The following BCAS1 variants were observed in gnomAD, a reference collection of about 807,000 sequenced individuals.
The protein encoded by BCAS1 is brain enriched myelin associated protein 1.
A neutral mutation model predicts 65.4 loss-of-function variants in BCAS1; 46 were observed. That is an observed-to-expected ratio of 0.70 (90% confidence interval 0.55 to 0.90). The LOEUF (loss-of-function observed/expected upper bound fraction) is 0.90. BCAS1 is among the 40% of genes least tolerant of loss of function. The pLI, the probability that BCAS1 is intolerant of heterozygous loss-of-function variation, is 0.00. For synonymous variants in BCAS1, 298 were observed against 293.5 expected, an observed-to-expected ratio of 1.02 and a Z score of -0.16; for missense variants, 793 against 771.2, an observed-to-expected ratio of 1.03 and a Z score of -0.33.
At chr20:54,001,464 T>G (rs972442487) in intron 4 of BCAS1, among the ~76,000 whole-genome samples, 5 of 152,284 alleles carry the variant, frequency 3.3e-5, no homozygotes, top group Middle Eastern at 3.4e-3. Context: ...GGCCACAAGA[T>G]TCTTCACCTC....
At position 53,985,294 on chromosome 20, in the gene BCAS1, C is replaced by CA; in HGVS notation, c.1267dup (p.Trp423LeufsTer6). On this transcript the variant is annotated frameshift_variant, in exon 8 of 13. Coordinates refer to ENST00000688948, the MANE Select transcript of BCAS1 (RefSeq NM_001366298.2). LOFTEE classifies it high-confidence loss of function. ...CTTGAAAATCAGACTTACCTTTTTC[C>CA]AAAACAGTTTGCCCAGAGGCAGAGA... 6.2e-7 allele frequency: 1 copy of CA among 1,613,010 alleles called. No individual in the cohort carries two copies. Among genetic ancestry groups the CA allele is most frequent in the East Asian group, 2.2e-5 (1 of 44,880 alleles).
chr20:53,997,543 A>T (rs2145862124), intron 4 of BCAS1, among the ~76,000 whole-genome samples: 1 of 151,736 alleles, frequency 6.6e-6, no homozygotes, highest in South Asian at 2.1e-4. Flanking sequence ...TAGTAAAGTG[A>T]TCATCTCACA....
chr20:54,017,385 AT>A (rs1337541353), intron 4 of BCAS1, among the ~76,000 whole-genome samples: 5 of 138,798 alleles, frequency 3.6e-5, no homozygotes, highest in South Asian at 4.8e-4. Flanking sequence ...CTTATGTGTG[AT>A]TTTTTTTCTT....
At chr20:54,057,032 T>G (rs1021177497) in intron 3 of BCAS1, among the ~76,000 whole-genome samples, 2 of 152,156 alleles carry the variant, frequency 1.3e-5, no homozygotes, top group East Asian at 3.8e-4. Flanking sequence ...ATTGCAGAAT[T>G]CTTACCCTCA....
At chr20:54,058,810 G>A (rs1229301048) in intron 1 of BCAS1, 87 bp from the exon 2 acceptor site, 10 of 1,447,960 alleles carry the variant, frequency 6.9e-6, no homozygotes, top group Middle Eastern at 1.8e-4. Flanking sequence ...GGCCTGACAA[G>A]CCGCCCATGG....
chr20:54,058,123 A>G lies in BCAS1; in HGVS notation c.104T>C (p.Val35Ala). 1 of 1,613,612 alleles carries G rather than the reference A, an allele frequency of 6.2e-7. No individual in the cohort carries two copies. The highest frequency in any genetic ancestry group is 1.1e-5 in the South Asian group (1 of 91,030). ...CTGAACTGTGTGGGTCGACACCACC[A>G]CTGGAACCCCGTTCAGAGCAGACGC... Reference protein sequence around the residue: ...DNASALNGVPVVVSTHTVQHL... With the variant: ...DNASALNGVPAVVSTHTVQHL... The change falls in exon 3 of 13, where the codon GTG becomes GCG. Residue 35 changes from valine (V) to alanine (A), a missense_variant. Coordinates refer to ENST00000688948, the MANE Select transcript of BCAS1 (RefSeq NM_001366298.2).
At chr20:53,996,651 C>T (rs746156637) in intron 4 of BCAS1, among the ~76,000 whole-genome samples, 15 of 152,098 alleles carry the variant, frequency 9.9e-5, no homozygotes, top group African/African-American at 2.2e-4. Context: ...TCACCTCTCA[C>T]GACCCCAGGA....
rs118009903 is a variant in BCAS1, at chr20:53,971,037, A to G, written c.1318-3964T>C. On this transcript the variant is annotated intron_variant, in intron 9 of 12. Transcript: ENST00000688948. ...TATGTAATTTGGATTAAGCCAATTAAAAAGGTCTAAACCAATCAACATGGT... is the reference window on the plus strand; with the variant it reads ...TATGTAATTTGGATTAAGCCAATTAGAAAGGTCTAAACCAATCAACATGGT... 9.6e-3 allele frequency among the ~76,000 whole-genome samples: 1,466 copies of G among 152,292 alleles called. 14 individuals carry two copies. Among genetic ancestry groups the G allele is most frequent in the Non-Finnish European group, 0.015 (1,025 of 68,018 alleles).
intron 1 of BCAS1, among the ~76,000 whole-genome samples, chr20:54,060,689 T>G (rs1320096362): frequency 2.0e-5 from 3 of 152,146 alleles, no homozygotes; most frequent in Non-Finnish European, 2.9e-5. Context: ...GTGGCACTGC[T>G]GGGTAGGATG....
rs1189646543 is a variant in BCAS1, at chr20:54,038,871, T to C, written c.143-9899A>G. Among the ~76,000 whole-genome samples, 2 of 151,336 alleles carry C rather than the reference T, an allele frequency of 1.3e-5. 1 individual carries two copies. Among genetic ancestry groups the C allele is most frequent in the African/African-American group, 4.8e-5 (2 of 41,354 alleles). On this transcript the variant is annotated intron_variant, in intron 3 of 12. Coordinates refer to ENST00000688948, the MANE Select transcript of BCAS1 (RefSeq NM_001366298.2). Reference sequence around the variant, plus strand: ...ATCTTGCAAAAGATGCAGGGGTTTATAGAGTCTTGTAACATTGGTGAGCTG... The same window carrying C: ...ATCTTGCAAAAGATGCAGGGGTTTACAGAGTCTTGTAACATTGGTGAGCTG...
intron 4 of BCAS1, among the ~76,000 whole-genome samples, chr20:54,016,066 T>C (rs1902265049): frequency 6.6e-6 from 1 of 152,234 alleles, no homozygotes; most frequent in Non-Finnish European, 1.5e-5. Flanking sequence ...AGAGATCATT[T>C]TTACCCAGAG....
chr20:54,037,918 G>C (rs1254125446), intron 3 of BCAS1, among the ~76,000 whole-genome samples: 1 of 151,136 alleles, frequency 6.6e-6, no homozygotes, highest in Non-Finnish European at 1.5e-5. Flanking sequence ...ATGTACAAGA[G>C]GGGGAAAAAA....
In BCAS1 at chr20:54,021,026, A is replaced by C. The variant is rs538199797; in HGVS notation, c.723+7366T>G. Among the ~76,000 whole-genome samples the C allele has an allele frequency of 2.2e-4, 34 of 152,346 alleles. No individual in the cohort carries two copies. The South Asian group carries it at 3.1e-3, about 14-fold the overall frequency. On this transcript the variant is annotated intron_variant, in intron 4 of 12. Coordinates refer to ENST00000688948, the MANE Select transcript of BCAS1 (RefSeq NM_001366298.2). ...TACTGTAGCAGCTTCTACTTGCTCCATTCACTTAATGATTTCCAGACAATG... is the reference window on the plus strand; with the variant it reads ...TACTGTAGCAGCTTCTACTTGCTCCCTTCACTTAATGATTTCCAGACAATG...
At chr20:53,948,128 CCT>C (rs900906866) in intron 12 of BCAS1, among the ~76,000 whole-genome samples, 4 of 152,274 alleles carry the variant, frequency 2.6e-5, no homozygotes, top group African/African-American at 7.2e-5. Flanking sequence ...ATCCATCCTG[CCT>C]CTGTTTGCCC....
At chr20:53,976,142 G>A (rs865874830) in intron 8 of BCAS1, among the ~76,000 whole-genome samples, 1 of 152,150 alleles carries the variant, frequency 6.6e-6, no homozygotes, top group African/African-American at 2.4e-5. Flanking sequence ...GAGTTATCCC[G>A]ATTCTGTCAA....
chr20:53,987,838 G>C (rs2090652979), intron 7 of BCAS1, among the ~76,000 whole-genome samples: 1 of 152,134 alleles, frequency 6.6e-6, no homozygotes, highest in Admixed American at 6.6e-5. Flanking sequence ...AAATTAACCA[G>C]AGAAGGGAAG....
In BCAS1 at chr20:53,953,323, C is replaced by T. The variant is rs562407161; in HGVS notation, c.1815+109G>A. 3.3e-5 allele frequency: 45 copies of T among 1,369,106 alleles called. No individual in the cohort carries two copies. In the East Asian group the frequency reaches 5.1e-4, roughly 15 times the overall value. The allele number at this position is 1,369,106 out of a possible 1,614,324, so 84.8% of individuals were successfully genotyped here. On this transcript the variant is annotated intron_variant, in intron 12 of 12. Transcript: ENST00000688948. Reference sequence around the variant, plus strand: ...GTTCAAAAACCCTGAGTGATAGACCCGGGATCCCAGTGTGAAGAGCCACAT... The same window carrying T: ...GTTCAAAAACCCTGAGTGATAGACCTGGGATCCCAGTGTGAAGAGCCACAT...
intron 4 of BCAS1, among the ~76,000 whole-genome samples, chr20:54,004,647 G>C (rs1239283513): frequency 1.3e-5 from 2 of 152,186 alleles, no homozygotes; most frequent in Non-Finnish European, 2.9e-5. Context: ...TCCTCACTCA[G>C]TAACTATGTG....
chr20:53,974,190 A>C (rs982814436), intron 9 of BCAS1, among the ~76,000 whole-genome samples: 4 of 152,144 alleles, frequency 2.6e-5, no homozygotes, highest in African/African-American at 9.7e-5. Flanking sequence ...GGGTCAAATA[A>C]CGGAGTAAAA....
Sources: allele counts gnomAD v4.1 joint callset (sites outside exome capture counted in the v4.1 genomes callset), GRCh38; gene constraint gnomAD v4.1.1; transcripts MANE v1.5; gene names NCBI Gene and HGNC (gene_info 2026-07-23, HGNC 2026-07-21).